Variants in ABLIM1 observed in about 807,000 individuals in gnomAD.
ABLIM1 encodes the protein actin binding LIM protein 1, also known as actin-binding LIM protein 1.
Under a neutral mutation model 107.0 loss-of-function variants are expected in ABLIM1, and 40 were observed. The ratio of observed to expected loss-of-function variants is 0.37; its 90% CI spans 0.29 to 0.49. The LOEUF is 0.49. ABLIM1 is among the 20% of genes least tolerant of loss of function. The pLI, the probability that ABLIM1 is intolerant of heterozygous loss-of-function variation, is 0.97. For synonymous variants in ABLIM1, 357 were observed against 357.3 expected (o/e 1.00, Z 0.01); for missense variants, 857 against 1,008.5 (o/e 0.85, Z 2.04).
intron 12 of ABLIM1, among the ~76,000 whole-genome samples, chr10:114,456,857 C>A (rs981099315): frequency 1.3e-5 from 2 of 151,388 alleles, no homozygotes; most frequent in African/African-American, 4.9e-5. Flanking sequence ...TGGCTGAATG[C>A]TGTCACCAGT....
At chr10:114,622,105 T>C (rs927195789) in intron 1 of ABLIM1, among the ~76,000 whole-genome samples, 2 of 152,230 alleles carry the variant, frequency 1.3e-5, no homozygotes, top group Admixed American at 1.3e-4. Context: ...TGTGTCACTA[T>C]GAGATGGTCC....
chr10:114,769,824 C>G (rs748416351), upstream of ABLIM1, among the ~76,000 whole-genome samples: 1 of 152,184 alleles, frequency 6.6e-6, no homozygotes, highest in African/African-American at 2.4e-5. Context: ...TAGAAATTCT[C>G]AGATTCAAAT....
At chr10:114,539,080 G>T (rs1222074902) in intron 6 of ABLIM1, among the ~76,000 whole-genome samples, 1 of 152,200 alleles carries the variant, frequency 6.6e-6, no homozygotes, top group Non-Finnish European at 1.5e-5. Flanking sequence ...GTATGGGGCT[G>T]GGCGCAGTGG....
chr10:114,701,437 C>T (rs1323716976), intron 1 of ABLIM1, among the ~76,000 whole-genome samples: 2 of 152,176 alleles, frequency 1.3e-5, no homozygotes, highest in African/African-American at 4.8e-5. Context: ...GAAATGAAAA[C>T]ATAAATCCAC....
intron 1 of ABLIM1, among the ~76,000 whole-genome samples, chr10:114,677,583 G>C (rs928722909): frequency 6.6e-6 from 1 of 152,106 alleles, no homozygotes; most frequent in Admixed American, 6.5e-5. Context: ...GACCATCCTG[G>C]CCAACATGGT....
chr10:114,452,784 C>A (rs551486254), intron 13 of ABLIM1, among the ~76,000 whole-genome samples: 4 of 152,250 alleles, frequency 2.6e-5, no homozygotes, highest in African/African-American at 9.6e-5. Flanking sequence ...ATTATGACAG[C>A]AAATGCTTGT....
intron 1 of ABLIM1, among the ~76,000 whole-genome samples, chr10:114,625,793 A>C (rs779107440): frequency 3.9e-5 from 6 of 152,176 alleles, no homozygotes; most frequent in African/African-American, 7.2e-5. Flanking sequence ...AAAAATGGAT[A>C]GAAAATTTAG....
chr10:114,564,161 T>C (rs2070277842), intron 4 of ABLIM1, among the ~76,000 whole-genome samples: 1 of 151,790 alleles, frequency 6.6e-6, no homozygotes, highest in South Asian at 2.1e-4. Context: ...GCCAAACTCC[T>C]CCAGGCATCC....
At chr10:114,736,871 A>G (rs189692153) in intron 1 of ABLIM1, among the ~76,000 whole-genome samples, 17 of 152,308 alleles carry the variant, frequency 1.1e-4, no homozygotes, top group African/African-American at 3.8e-4. Flanking sequence ...ACAGGGACAG[A>G]AAACAGACAG....
At chr10:114,663,938 G>A (rs770946229) in intron 1 of ABLIM1, among the ~76,000 whole-genome samples, 7 of 152,168 alleles carry the variant, frequency 4.6e-5, no homozygotes, top group Non-Finnish European at 8.8e-5. Flanking sequence ...AGAGAGAAGC[G>A]TTTCTAATGG....
intron 6 of ABLIM1, among the ~76,000 whole-genome samples, chr10:114,517,587 A>C (rs1397813191): frequency 1.3e-5 from 2 of 152,088 alleles, no homozygotes; most frequent in Non-Finnish European, 2.9e-5. Context: ...TCAAGGCATC[A>C]ACGACAGCGC....
chr10:114,459,825 T>C (rs1179809488), intron 12 of ABLIM1, among the ~76,000 whole-genome samples: 2 of 152,262 alleles, frequency 1.3e-5, no homozygotes, highest in African/African-American at 2.4e-5. Flanking sequence ...TTTTGGATAA[T>C]GCTTTTTATC....
chr10:114,622,273 G>A (rs2077517733), intron 1 of ABLIM1, among the ~76,000 whole-genome samples: 1 of 147,788 alleles, frequency 6.8e-6, no homozygotes, highest in Non-Finnish European at 1.5e-5. Context: ...TTGAGACAGG[G>A]TCTCACTCTA....
chr10:114,705,629 T>A (rs1251249360), intron 1 of ABLIM1, among the ~76,000 whole-genome samples: 2 of 152,154 alleles, frequency 1.3e-5, no homozygotes, highest in African/African-American at 4.8e-5. Context: ...AAAAATCTAC[T>A]CAGACCCTTG....
intron 1 of ABLIM1, among the ~76,000 whole-genome samples, chr10:114,725,735 A>ATGTG (rs3981295): frequency 0.032 from 4,611 of 142,236 alleles, 92 homozygotes; most frequent in East Asian, 0.13. Flanking sequence ...TATATATAAA[A>ATGTG]TGTGTGTGTG....
the ABLIM1 span, among the ~76,000 whole-genome samples, chr10:114,798,562 C>A: frequency 1.4e-5 from 2 of 147,410 alleles, no homozygotes; most frequent in Admixed American, 6.7e-5. Flanking sequence ...TGAGACCCCC[C>A]CCCCATGTCT....
chr10:114,504,509 G>A (rs945509976), intron 6 of ABLIM1, among the ~76,000 whole-genome samples: 6 of 151,966 alleles, frequency 3.9e-5, no homozygotes, highest in Middle Eastern at 3.2e-3. Context: ...GAAGCTAACC[G>A]CCTGGTAAGA....
intron 1 of ABLIM1, among the ~76,000 whole-genome samples, chr10:114,605,079 T>G (rs1420364646): frequency 6.6e-6 from 1 of 152,202 alleles, no homozygotes; most frequent in Non-Finnish European, 1.5e-5. Flanking sequence ...TTGCCTTTCC[T>G]TCACACAACA....
intron 6 of ABLIM1, among the ~76,000 whole-genome samples, chr10:114,536,670 C>T (rs1244851692): frequency 6.6e-6 from 1 of 152,112 alleles, no homozygotes; most frequent in Non-Finnish European, 1.5e-5. Context: ...TTGCTTAATT[C>T]ATATTTAAAA....
Sources: gnomAD v4.1 joint callset for allele counts (sites outside exome capture counted in the v4.1 genomes callset) on GRCh38, gnomAD v4.1.1 for gene constraint, MANE v1.5 for transcripts, NCBI Gene and HGNC (gene_info 2026-07-23, HGNC 2026-07-21) for gene names.